RPL28: variants seen among roughly 807,000 people sequenced by gnomAD.
The protein encoded by RPL28 is ribosomal protein L28.
Under a neutral mutation model 12.5 loss-of-function variants are expected in RPL28, and 4 were observed. The observed-to-expected ratio is 0.32, with a 90% confidence interval of 0.16 to 0.73. The LOEUF (loss-of-function observed/expected upper bound fraction) is 0.73. Among genes scored for constraint, RPL28 ranks in the 30% least tolerant of loss-of-function variants. The probability of loss-of-function intolerance (pLI) is 0.66; values close to 1 mark genes in which losing one functional copy is unlikely to be tolerated. For missense variants in RPL28, 214 were observed against 197.7 expected, an observed-to-expected ratio of 1.08 and a Z score of -0.49; for synonymous variants, 91 against 72.5, an observed-to-expected ratio of 1.26 and a Z score of -1.30.
chr19:55,386,818 T>G, intron 3 of RPL28, 125 bp downstream of exon 3: 1 of 1,593,574 alleles, frequency 6.3e-7, no homozygotes, highest in Non-Finnish European at 8.5e-7. Flanking sequence ...CGCCAGGGTG[T>G]TGGTCTGGGT....
downstream of RPL28, among the ~76,000 whole-genome samples, chr19:55,395,441 C>A (rs1289356848): frequency 1.4e-4 from 18 of 132,778 alleles, no homozygotes; most frequent in Admixed American, 1.3e-3. Context: ...CCTTCTTTTT[C>A]TCTTTTTTTT....
Position 55,387,988 on chromosome 19 carries a change from C to T in RPL28, c.264C>T (p.Ala88=), listed in dbSNP as rs772634562. 1 of 1,611,344 alleles carries T rather than the reference C, an allele frequency of 6.2e-7. No individual in the cohort carries two copies. Among genetic ancestry groups the T allele is most frequent in the Non-Finnish European group, 8.5e-7 (1 of 1,178,820 alleles). The part of the protein sequence containing the change: ...VRTTINKNAR[A]TLSSIRHMIR... Reference sequence around the variant, plus strand: ...CCACCATCAACAAGAATGCTCGCGCCACGCTCAGCAGCATCAGACACATGA... The same window carrying T: ...CCACCATCAACAAGAATGCTCGCGCTACGCTCAGCAGCATCAGACACATGA... Residue 88 remains alanine (A), a synonymous_variant, in exon 4 of 5, where the codon GCC becomes GCT. Coordinates refer to ENST00000344063, the MANE Select transcript of RPL28 (RefSeq NM_000991.5).
At chr19:55,394,644 T>G (rs2090010899), downstream of RPL28, among the ~76,000 whole-genome samples, 1 of 151,810 alleles carries the variant, frequency 6.6e-6, no homozygotes, top group Non-Finnish European at 1.5e-5. Context: ...AGATCAAGGC[T>G]CTCTGTAGCC....
At chr19:55,401,887 C>T (rs1360860768) in intron 4 of RPL28, 13 of 992,500 alleles carry the variant, frequency 1.3e-5, no homozygotes, top group South Asian at 3.0e-5. Context: ...GATCCAGGCC[C>T]CACCTATGCT....
Position 55,391,617 on chromosome 19 carries a change from T to C in RPL28, c.*3285T>C. On this transcript the variant is annotated 3_prime_UTR_variant, in exon 5 of 5. Coordinates refer to ENST00000344063, the MANE Select transcript of RPL28 (RefSeq NM_000991.5). ...GGTGGCTGTGCAACCTTGGGCAAGTTCCTCAACCTCTCTGTGTCTTCGTAC... is the reference window on the plus strand; with the variant it reads ...GGTGGCTGTGCAACCTTGGGCAAGTCCCTCAACCTCTCTGTGTCTTCGTAC... 1 of 1,547,570 alleles carries C rather than the reference T, an allele frequency of 6.5e-7. No individual in the cohort carries two copies. The highest frequency in any genetic ancestry group is 2.4e-5 in the East Asian group (1 of 40,886).
intron 4 of RPL28, among the ~76,000 whole-genome samples, chr19:55,402,194 G>A (rs2090064752): frequency 1.3e-5 from 2 of 152,334 alleles, no homozygotes; most frequent in Non-Finnish European, 2.9e-5. Context: ...CCTGGACAGA[G>A]AGAAGAGACT....
intron 3 of RPL28, chr19:55,387,700 C>G: frequency 7.1e-7 from 1 of 1,399,480 alleles, no homozygotes; most frequent in Non-Finnish European, 9.2e-7. Flanking sequence ...TCATGGTGGA[C>G]AGAATTGGGC....
chr19:55,388,663 G>A lies in RPL28; in HGVS notation c.*331G>A, dbSNP rs538446830. On this transcript the variant is annotated 3_prime_UTR_variant, in exon 5 of 5. Transcript: ENST00000344063. ...AGTGGCTTCCATTCAGAAGAAGAAA[G>A]GCCTTTTCTAGCCCAGAAGGGTGCA... 9.7e-6 allele frequency: 11 copies of A among 1,133,624 alleles called. No individual in the cohort carries two copies. The East Asian group carries it at 3.2e-4, about 33-fold the overall frequency. The allele number at this position is 1,133,624 out of a possible 1,614,324, so 70.2% of individuals were successfully genotyped here. A position where few individuals can be genotyped will look rare whatever the true frequency, so the allele number is the denominator to read the frequency against.
intron 4 of RPL28, chr19:55,401,861 T>C: frequency 7.7e-7 from 1 of 1,303,332 alleles, no homozygotes. Context: ...TTCCTTCTGC[T>C]CCCAACTCAG....
chr19:55,391,916 C>T lies in RPL28; in HGVS notation c.*3584C>T, dbSNP rs1487656347. On this transcript the variant is annotated 3_prime_UTR_variant, in exon 5 of 5. Transcript: ENST00000344063. ...ATGCCTGGTGGCTCCAGGTCTGCCC[C>T]GCCGTCCTGTGGGGCTGTGAGCTTT... 14 of 1,300,432 alleles carry T rather than the reference C, an allele frequency of 1.1e-5. No individual in the cohort carries two copies. Among genetic ancestry groups the T allele is most frequent in the Non-Finnish European group, 1.4e-5 (14 of 1,019,618 alleles). The allele number at this position is 1,300,432 out of a possible 1,614,324, so 80.6% of individuals were successfully genotyped here. A position where few individuals can be genotyped will look rare whatever the true frequency, so the allele number is the denominator to read the frequency against.
At chr19:55,393,627 A>ATT (rs869033963), downstream of RPL28, among the ~76,000 whole-genome samples, 1 of 127,696 alleles carries the variant, frequency 7.8e-6, no homozygotes, top group Non-Finnish European at 1.6e-5. Flanking sequence ...CCAATCACCA[A>ATT]TTTGTTTTTT....
chr19:55,399,193 G>C (rs988322072), intron 4 of RPL28, among the ~76,000 whole-genome samples: 3 of 151,972 alleles, frequency 2.0e-5, no homozygotes, highest in Non-Finnish European at 4.4e-5. Flanking sequence ...TTGAGACAGA[G>C]TCTCGCTCTG....
Position 55,388,791 on chromosome 19 carries a change from ATGACT to A in RPL28, c.*461_*465del. The A allele has an allele frequency of 1.0e-6, 1 of 993,264 alleles. No homozygotes were observed. Among genetic ancestry groups the A allele is most frequent in the Non-Finnish European group, 1.2e-6 (1 of 835,636 alleles). The allele number at this position is 993,264 out of a possible 1,614,324, so 61.5% of individuals were successfully genotyped here. A position where few individuals can be genotyped will look rare whatever the true frequency, so the allele number is the denominator to read the frequency against. The stretch of plus-strand genomic sequence containing the variant: ...ACAGACATCACGGGAGGAAGATGAG[ATGACT>A]TTTGCATCCAGGGAGTGGGTGCAGC... On this transcript the variant is annotated 3_prime_UTR_variant, in exon 5 of 5. Transcript: ENST00000344063.
rs118132990 is a variant in RPL28 at position 55,388,806 on chromosome 19, A to C, written c.*474A>C. On this transcript the variant is annotated 3_prime_UTR_variant, in exon 5 of 5. Transcript: ENST00000344063. ...GGAAGATGAGATGACTTTTGCATCCAGGGAGTGGGTGCAGCCACATTTGGA... is the reference window on the plus strand; with the variant it reads ...GGAAGATGAGATGACTTTTGCATCCCGGGAGTGGGTGCAGCCACATTTGGA... 51,982 of 990,106 alleles carry C rather than the reference A, an allele frequency of 0.053. 1,414 individuals carry two copies. Among genetic ancestry groups the C allele is most frequent in the Middle Eastern group, 0.067 (129 of 1,936 alleles). The allele number at this position is 990,106 out of a possible 1,614,324, so 61.3% of individuals were successfully genotyped here. A position where few individuals can be genotyped will look rare whatever the true frequency, so the allele number is the denominator to read the frequency against.
chr19:55,396,738 G>A (rs536860532), downstream of RPL28, among the ~76,000 whole-genome samples: 314 of 147,126 alleles, frequency 2.1e-3, 2 homozygotes, highest in Admixed American at 4.1e-3. Context: ...CCACCACCAC[G>A]CCCGGCTAAT....
chr19:55,403,027 G>A lies in RPL28; in HGVS notation c.409G>A (p.Ala137Thr), dbSNP rs550255856. 170 of 1,499,844 alleles carry A rather than the reference G, an allele frequency of 1.1e-4. No individual in the cohort carries two copies. In the African/African-American group the frequency reaches 1.9e-3, roughly 17 times the overall value. The allele number at this position is 1,499,844 out of a possible 1,614,324, so 92.9% of individuals were successfully genotyped here. ...AGGACGCCTCCACCTCAGCAACACC[G>A]CAGCCAGGTCATTCTGTGTCATGGA... The change falls in exon 5 of 5, where the codon GCA becomes ACA. Residue 137 changes from alanine to threonine, a missense_variant. Transcript: ENST00000560055.
chr19:55,402,485 C>A (rs1481129266), intron 4 of RPL28, among the ~76,000 whole-genome samples: 1 of 152,194 alleles, frequency 6.6e-6, no homozygotes. Flanking sequence ...TGCAGCCAGG[C>A]CTCCAGCAGC....
chr19:55,388,962 C>T lies in RPL28; in HGVS notation c.*630C>T, dbSNP rs1011015092. On this transcript the variant is annotated 3_prime_UTR_variant, in exon 5 of 5. Coordinates refer to ENST00000344063, the MANE Select transcript of RPL28 (RefSeq NM_000991.5). ...GCATTGAGCAGCCTTAGCATTGTCC[C>T]CCTACTCCCGTCCTCCAGGTGTCCC... is the stretch of plus-strand genomic sequence containing the variant. The T allele has an allele frequency of 1.0e-6, 1 of 985,380 alleles. No individual in the cohort carries two copies. The highest frequency in any genetic ancestry group is 1.2e-6 in the Non-Finnish European group (1 of 829,996). The allele number at this position is 985,380 out of a possible 1,614,324, so 61.0% of individuals were successfully genotyped here.
intron 3 of RPL28, 83 bp downstream of exon 3, chr19:55,386,776 G>T (rs758100356): frequency 1.9e-6 from 3 of 1,612,036 alleles, no homozygotes; most frequent in Non-Finnish European, 1.7e-6. Context: ...GGCAGGAAGA[G>T]CGGTAACTGC....
Sources: allele counts gnomAD v4.1 joint callset (sites outside exome capture counted in the v4.1 genomes callset), GRCh38; gene constraint gnomAD v4.1.1; transcripts MANE v1.5; gene names NCBI Gene and HGNC (gene_info 2026-07-23, HGNC 2026-07-21).